Variants in DNAJA1 observed in about 807,000 individuals in gnomAD.
DNAJA1 encodes the protein dnaJ homolog subfamily A member 1.
DNAJA1 carries 26 observed loss-of-function variants against 47.6 expected under a neutral mutation model. The observed-to-expected ratio is 0.55, with a 90% confidence interval of 0.40 to 0.76. DNAJA1 has a LOEUF of 0.76. DNAJA1 is among the 30% of genes least tolerant of loss of function. The pLI, the probability that DNAJA1 is intolerant of heterozygous loss-of-function variation, is 0.00. For synonymous variants in DNAJA1, 165 were observed against 158.4 expected, an observed-to-expected ratio of 1.04 and a Z score of -0.31; for missense variants, 315 against 485.0, an observed-to-expected ratio of 0.65 and a Z score of 3.29.
intron 4 of DNAJA1, 88 bp downstream of exon 4, chr9:33,030,077 AT>A: frequency 2.4e-6 from 3 of 1,274,052 alleles, no homozygotes; most frequent in Non-Finnish European, 3.3e-6. Context: ...CTAGATAGAT[AT>A]GTAAAATTGA....
chr9:33,028,025 CAAAA>C (rs144327341), intron 3 of DNAJA1, among the ~76,000 whole-genome samples: 19,071 of 76,682 alleles, frequency 0.25, 916 homozygotes, highest in Non-Finnish European at 0.27. Flanking sequence ...ACTCTTGTCT[CAAAA>C]AAAAAAAAAA....
Position 33,026,482 on chromosome 9 carries a change from A to G in DNAJA1, c.-3A>G. Reference sequence around the variant, plus strand: ...TGCATTTTCTTATTTCAGGCAGTAGAAGATGGTGAAAGAAACAACTTACTA... The same window carrying G: ...TGCATTTTCTTATTTCAGGCAGTAGGAGATGGTGAAAGAAACAACTTACTA... On this transcript the variant is annotated 5_prime_UTR_variant, in exon 2 of 9. Transcript: ENST00000330899. The G allele has an allele frequency of 6.2e-7, 1 of 1,603,168 alleles. No homozygotes were observed.
intron 8 of DNAJA1, 57 bp downstream of exon 8, chr9:33,037,172 TAA>T: frequency 6.6e-7 from 1 of 1,517,966 alleles, no homozygotes; most frequent in South Asian, 1.2e-5. Context: ...TAAAATCTGA[TAA>T]AAAAGTAAAA....
chr9:33,030,069 A>G (rs1838936900), intron 4 of DNAJA1, 80 bp downstream of exon 4: 1 of 1,320,340 alleles, frequency 7.6e-7, no homozygotes, highest in Non-Finnish European at 1.1e-6. Context: ...TAAGACTTCT[A>G]GATAGATATG....
Position 33,036,598 on chromosome 9 carries a change from TATGGAC to T in DNAJA1, c.786_791del (p.Met262_Asp263del). Reference sequence around the variant, plus strand: ...GACGAGGAGAAGACCTTTTCATGTGTATGGACATACAGCTCGTTGAAGCACTGTGTG... The same window carrying T: ...GACGAGGAGAAGACCTTTTCATGTGTATACAGCTCGTTGAAGCACTGTGTG... On this transcript the variant is annotated inframe_deletion, in exon 7 of 9. Coordinates refer to ENST00000330899, the MANE Select transcript of DNAJA1 (RefSeq NM_001539.4). The T allele has an allele frequency of 6.2e-7, 1 of 1,613,212 alleles. No homozygotes were observed. Among genetic ancestry groups the T allele is most frequent in the Non-Finnish European group, 8.5e-7 (1 of 1,179,556 alleles).
chr9:33,026,038 C>G (rs905478557), intron 1 of DNAJA1, among the ~76,000 whole-genome samples: 7 of 152,166 alleles, frequency 4.6e-5, no homozygotes, highest in East Asian at 1.9e-4. Context: ...ACCACTCCCC[C>G]CCACCACTGT....
chr9:33,026,934 T>G lies in DNAJA1; in HGVS notation c.254T>G (p.Met85Arg). 2 of 1,614,104 alleles carry G rather than the reference T, an allele frequency of 1.2e-6. No individual in the cohort carries two copies. The highest frequency in any genetic ancestry group is 1.7e-6 in the Non-Finnish European group (2 of 1,180,006). ...GCAGGTGGCGGTTTTGGCTCCCCCA[T>G]GGACATCTTTGATATGTTTTTTGGA... ...GGAGGGFGSP[M>R]DIFDMFFGGG... The change falls in exon 3 of 9, where the codon ATG becomes AGG. Residue 85 changes from methionine (M) to arginine (R), a missense_variant. By Grantham distance (91) the Met-to-Arg change is moderately conservative. Coordinates refer to ENST00000330899, the MANE Select transcript of DNAJA1 (RefSeq NM_001539.4).
intron 3 of DNAJA1, among the ~76,000 whole-genome samples, chr9:33,029,311 C>T (rs1384975660): frequency 6.6e-6 from 1 of 152,148 alleles, no homozygotes; most frequent in Non-Finnish European, 1.5e-5. Context: ...AGAAATTTGG[C>T]CTTCAAAACA....
Position 33,038,842 on chromosome 9 carries a change from G to A in DNAJA1, c.1133G>A (p.Gly378Glu). The A allele has an allele frequency of 6.2e-6, 10 of 1,614,048 alleles. No homozygotes were observed. The highest frequency in any genetic ancestry group is 1.1e-5 in the South Asian group (1 of 91,082). The change falls in exon 9 of 9, where the codon GGA (glycine) becomes GAA (glutamate). Residue 378 changes from glycine (G) to glutamate (E), a missense_variant. By Grantham distance (98) the Gly-to-Glu change is moderately conservative. Around this residue, in one of 4 missense-constraint regions of DNAJA1, gnomAD observed 162 missense variants for 185.4 expected, o/e 0.87. Transcript: ENST00000330899. Reference protein sequence around the residue: ...PNQERRRHYNGEAYEDDEHHP... With the variant: ...PNQERRRHYNEEAYEDDEHHP... ...CAGGAAAGACGGCGCCACTACAATG[G>A]AGAAGCATATGAGGATGATGAACAT...
Position 33,027,151 on chromosome 9 carries a change from TG to T in DNAJA1, c.310+163del, listed in dbSNP as rs1301529431. On this transcript the variant is annotated intron_variant, in intron 3 of 8. Coordinates refer to ENST00000330899, the MANE Select transcript of DNAJA1 (RefSeq NM_001539.4). ...TTTATGGTGTCGTGTTTTTTTGTTG[TG>T]GTTTTTTTTTTTTTTTTCTTGAGAC... Among the ~76,000 whole-genome samples the T allele has an allele frequency of 1.3e-4, 18 of 136,574 alleles. No individual in the cohort carries two copies. The East Asian group carries it at 1.3e-3, about 10-fold the overall frequency. The allele number at this position is 136,574 out of a possible 152,430, so 89.6% of individuals were successfully genotyped here.
chr9:33,032,660 G>A (rs1171309906), intron 5 of DNAJA1, among the ~76,000 whole-genome samples: 1 of 152,188 alleles, frequency 6.6e-6, no homozygotes, highest in Non-Finnish European at 1.5e-5. Context: ...GGAAAACCTA[G>A]CTGAGTTTAA....
intron 3 of DNAJA1, among the ~76,000 whole-genome samples, chr9:33,028,968 G>T (rs563752553): frequency 2.4e-4 from 37 of 152,318 alleles, no homozygotes; most frequent in Non-Finnish European, 1.3e-4. Flanking sequence ...TAATATTGTT[G>T]TGAATAAGTC....
rs979676202 is a variant in DNAJA1, at chr9:33,036,487, C to G, written c.759-87C>G. 6 of 790,432 alleles carry G rather than the reference C, an allele frequency of 7.6e-6. No homozygotes were observed. The Admixed American group carries it at 1.7e-4, about 22-fold the overall frequency. The allele number at this position is 790,432 out of a possible 1,614,324, so 49.0% of individuals were successfully genotyped here. ...GGGTGTCTTTGTAAAAGACCCTTTG[C>G]TTTTATTAAACAAAAAAACAGCCTG... On this transcript the variant is annotated intron_variant, in intron 6 of 8. Coordinates refer to ENST00000330899, the MANE Select transcript of DNAJA1 (RefSeq NM_001539.4).
chr9:33,028,293 G>A (rs546998750), intron 3 of DNAJA1, among the ~76,000 whole-genome samples: 1 of 152,272 alleles, frequency 6.6e-6, no homozygotes, highest in East Asian at 1.9e-4. Context: ...TCAAAATTAT[G>A]TATTTAATAT....
rs1456585338 is a variant in DNAJA1 at position 33,036,656 on chromosome 9, G to A, written c.841G>A (p.Asp281Asn). The change falls in exon 7 of 9, where the codon GAC (aspartate) becomes AAC (asparagine). Residue 281 changes from aspartate to asparagine, a missense_variant. By Grantham distance (23) the Asp-to-Asn change is conservative. Transcript: ENST00000330899. ...CGFQKPISTL[D>N]NRTIVITSHP... is the part of the protein sequence containing the mutation. ...CTTCCAGAAGCCAATATCTACTCTT[G>A]ACAACCGAACCATCGTCATCACCTC... is the stretch of plus-strand genomic sequence containing the variant. 1 of 1,613,946 alleles carries A rather than the reference G, an allele frequency of 6.2e-7. No homozygotes were observed. Among genetic ancestry groups the A allele is most frequent in the Non-Finnish European group, 8.5e-7 (1 of 1,179,940 alleles).
chr9:33,031,129 T>C, intron 5 of DNAJA1, among the ~76,000 whole-genome samples: 1 of 152,346 alleles, frequency 6.6e-6, no homozygotes, highest in Admixed American at 6.5e-5. Context: ...AGTTTCGCTC[T>C]TGTTTCCCAG....
At chr9:33,038,222 G>C (rs2119398883) in intron 8 of DNAJA1, among the ~76,000 whole-genome samples, 1 of 152,210 alleles carries the variant, frequency 6.6e-6, no homozygotes, top group South Asian at 2.1e-4. Context: ...TCAAACTCTT[G>C]ACCTCAGGTG....
chr9:33,030,131 A>G lies in DNAJA1; in HGVS notation c.415+142A>G, dbSNP rs1838937766. On this transcript the variant is annotated intron_variant, in intron 4 of 8. Transcript: ENST00000330899. ...GATTTTGGGGGAGGAGAGGGCAGAT[A>G]TGAAGAAAACCAACTGAAAACCTCC... 5 of 810,650 alleles carry G rather than the reference A, an allele frequency of 6.2e-6. No homozygotes were observed. The Admixed American group carries it at 1.3e-4, about 21-fold the overall frequency. The allele number at this position is 810,650 out of a possible 1,614,324, so 50.2% of individuals were successfully genotyped here. A position where few individuals can be genotyped will look rare whatever the true frequency, so the allele number is the denominator to read the frequency against.
At chr9:33,034,106 T>C in intron 5 of DNAJA1, 110 bp from the exon 6 acceptor site, 2 of 715,226 alleles carry the variant, frequency 2.8e-6, no homozygotes, top group Non-Finnish European at 4.4e-6. Context: ...TGGGCTTTCT[T>C]AGTCATTTCT....
Sources: allele counts gnomAD v4.1 joint callset (sites outside exome capture counted in the v4.1 genomes callset), GRCh38; gene constraint gnomAD v4.1.1; regional missense constraint gnomAD v4.1.1; transcripts MANE v1.5; gene names NCBI Gene and HGNC (gene_info 2026-07-23, HGNC 2026-07-21).